Variants in TMEM108 observed in about 807,000 individuals in gnomAD.
TMEM108 encodes transmembrane protein 108.
TMEM108 carries 12 observed loss-of-function variants against 35.1 expected under a neutral mutation model. The ratio of observed to expected loss-of-function variants is 0.34; its 90% CI spans 0.22 to 0.55. TMEM108 has a LOEUF of 0.55. Ranked by LOEUF, TMEM108 falls within the 20% of genes least tolerant of loss-of-function variation. The probability of loss-of-function intolerance (pLI) is 0.89; values close to 1 mark genes in which losing one functional copy is unlikely to be tolerated. For missense variants in TMEM108, 680 were observed against 753.3 expected (o/e 0.90, Z 1.14); for synonymous variants, 287 against 308.6 (o/e 0.93, Z 0.73).
intron 3 of TMEM108, 70 bp downstream of exon 3, chr3:133,229,421 T>TA: frequency 6.6e-7 from 1 of 1,504,144 alleles, no homozygotes; most frequent in Non-Finnish European, 9.2e-7. Flanking sequence ...ACCCACAACT[T>TA]ACTTTTTGGA....
chr3:133,054,257 C>T (rs1262805147), intron 2 of TMEM108, among the ~76,000 whole-genome samples: 1 of 152,184 alleles, frequency 6.6e-6, no homozygotes, highest in African/African-American at 2.4e-5. Flanking sequence ...TGTGAAAAAG[C>T]ATGAATCTGT....
At chr3:133,127,472 CAA>C (rs111376508) in intron 2 of TMEM108, among the ~76,000 whole-genome samples, 5,683 of 152,208 alleles carry the variant, frequency 0.037, 175 homozygotes, top group Admixed American at 0.075. Context: ...GAACCACAGA[CAA>C]AGAGTTGATG....
chr3:133,105,495 C>T (rs768821708), intron 2 of TMEM108, among the ~76,000 whole-genome samples: 1 of 152,150 alleles, frequency 6.6e-6, no homozygotes, highest in Non-Finnish European at 1.5e-5. Context: ...ATTAGGCCTA[C>T]CCTCATAATT....
chr3:133,145,573 G>A (rs953603257), intron 2 of TMEM108, among the ~76,000 whole-genome samples: 30 of 152,096 alleles, frequency 2.0e-4, no homozygotes, highest in Non-Finnish European at 2.9e-4. Flanking sequence ...CCATTTTCAC[G>A]ATATTGATTC....
At chr3:133,194,344 C>A (rs1425417724) in intron 2 of TMEM108, among the ~76,000 whole-genome samples, 3 of 152,158 alleles carry the variant, frequency 2.0e-5, no homozygotes, top group Non-Finnish European at 4.4e-5. Flanking sequence ...GAGATTCTGA[C>A]TTCTTTGAGT....
intron 3 of TMEM108, among the ~76,000 whole-genome samples, chr3:133,287,361 A>G (rs1474240030): frequency 2.0e-5 from 3 of 152,190 alleles, no homozygotes; most frequent in Non-Finnish European, 2.9e-5. Context: ...GGTTTAAACA[A>G]AGCACCATGG....
At chr3:133,172,556 G>A (rs553066461) in intron 2 of TMEM108, among the ~76,000 whole-genome samples, 17 of 152,258 alleles carry the variant, frequency 1.1e-4, no homozygotes, top group African/African-American at 4.1e-4. Context: ...GTGCTTTTGG[G>A]CAGGGGTTTT....
intron 2 of TMEM108, among the ~76,000 whole-genome samples, chr3:133,128,106 C>T (rs955320661): frequency 7.2e-5 from 11 of 152,174 alleles, no homozygotes; most frequent in Non-Finnish European, 1.6e-4. Flanking sequence ...TTGCCCCACA[C>T]CTTGCTTGGG....
chr3:133,096,185 G>T (rs998178707), intron 2 of TMEM108, among the ~76,000 whole-genome samples: 2 of 152,110 alleles, frequency 1.3e-5, no homozygotes, highest in Admixed American at 1.3e-4. Flanking sequence ...TACAGACAGG[G>T]TCTCACTCTG....
chr3:133,118,106 TACCTCTAGGTTCTCTG>T (rs757550226), intron 2 of TMEM108, among the ~76,000 whole-genome samples: 64 of 151,220 alleles, frequency 4.2e-4, no homozygotes, highest in Non-Finnish European at 9.3e-4. Flanking sequence ...GGTAGAGTAC[TACCTCTAGGTTCTCTG>T]ATTTCTAGGA....
rs373490760 is a variant in TMEM108, at chr3:133,356,264, A to AGGTATAC, written c.41-23488_41-23487insGGTATAC. 2.0e-5 allele frequency among the ~76,000 whole-genome samples: 3 copies of AGGTATAC among 151,768 alleles called. No homozygotes were observed. In the East Asian group the frequency reaches 5.8e-4, roughly 29 times the overall value. On this transcript the variant is annotated intron_variant, in intron 3 of 5. Transcript: ENST00000321871. ...GAAAACCCTAGGAATATACTTAACC[A>AGGTATAC]AGGAGGTGAAAGATCTCTACAAGGA...
intron 3 of TMEM108, among the ~76,000 whole-genome samples, chr3:133,372,852 C>G (rs2072715454): frequency 6.6e-6 from 1 of 152,184 alleles, no homozygotes; most frequent in Non-Finnish European, 1.5e-5. Context: ...AAAAGATTTG[C>G]ACTCAAAACT....
At chr3:133,224,846 T>A (rs1946045115) in intron 2 of TMEM108, among the ~76,000 whole-genome samples, 1 of 140,006 alleles carries the variant, frequency 7.1e-6, no homozygotes. Context: ...ATATTAGACA[T>A]CTTAACATTC....
intron 2 of TMEM108, among the ~76,000 whole-genome samples, chr3:133,156,719 G>A (rs1944886969): frequency 2.0e-5 from 3 of 152,324 alleles, no homozygotes; most frequent in African/African-American, 4.8e-5. Flanking sequence ...TTTTAAGCGT[G>A]TGGCAGAACT....
chr3:133,099,181 G>A (rs1159877910), intron 2 of TMEM108, among the ~76,000 whole-genome samples: 1 of 152,222 alleles, frequency 6.6e-6, no homozygotes, highest in Non-Finnish European at 1.5e-5. Flanking sequence ...AACACCACAT[G>A]GAAGCTGCCA....
chr3:133,294,096 A>T (rs892059487), intron 3 of TMEM108, among the ~76,000 whole-genome samples: 1 of 152,232 alleles, frequency 6.6e-6, no homozygotes, highest in African/African-American at 2.4e-5. Context: ...TGTGATTTGA[A>T]TGAATTTAAT....
intron 2 of TMEM108, among the ~76,000 whole-genome samples, chr3:133,208,297 G>A (rs561524860): frequency 2.0e-5 from 3 of 152,246 alleles, no homozygotes; most frequent in Admixed American, 6.5e-5. Flanking sequence ...TGTAGACCAC[G>A]TGGTAACATT....
At chr3:133,179,853 A>C (rs915164481) in intron 2 of TMEM108, among the ~76,000 whole-genome samples, 2 of 151,442 alleles carry the variant, frequency 1.3e-5, no homozygotes, top group African/African-American at 4.9e-5. Flanking sequence ...AGACTAGAGC[A>C]AAATGTCTAG....
chr3:133,166,771 T>A (rs924305616), intron 2 of TMEM108, among the ~76,000 whole-genome samples: 5 of 152,194 alleles, frequency 3.3e-5, no homozygotes, highest in African/African-American at 1.2e-4. Flanking sequence ...GCAGAAAGAT[T>A]TATTGCAAAG....
Sources: gnomAD v4.1 joint callset for allele counts (sites outside exome capture counted in the v4.1 genomes callset) on GRCh38, gnomAD v4.1.1 for gene constraint, MANE v1.5 for transcripts, NCBI Gene and HGNC (gene_info 2026-07-23, HGNC 2026-07-21) for gene names.